The following METTL15 variants were observed in gnomAD, a reference collection of about 807,000 sequenced individuals.
METTL15 encodes the protein 12S rRNA N(4)-cytidine methyltransferase METTL15.
Under a neutral mutation model 38.3 loss-of-function variants are expected in METTL15, and 34 were observed. The ratio of observed to expected loss-of-function variants is 0.89; its 90% CI spans 0.68 to 1.18. METTL15 has a LOEUF of 1.18. Among genes scored for constraint, METTL15 ranks in the 50% most tolerant of loss-of-function variants. METTL15 has a pLI of 0.00. For missense variants in METTL15, 438 were observed against 498.4 expected (o/e 0.88, Z 1.15); for synonymous variants, 162 against 170.9 (o/e 0.95, Z 0.41).
chr11:28,502,805 G>C (rs551297249), intron 6 of METTL15, among the ~76,000 whole-genome samples: 18 of 152,292 alleles, frequency 1.2e-4, no homozygotes, highest in African/African-American at 4.1e-4. Flanking sequence ...ACGTGAAAAA[G>C]AGCAGAACTT....
chr11:28,482,436 T>C (rs568454905), intron 6 of METTL15, among the ~76,000 whole-genome samples: 1 of 152,344 alleles, frequency 6.6e-6, no homozygotes, highest in East Asian at 1.9e-4. Context: ...TGTAGGGTTC[T>C]TCTGAAAATC....
chr11:28,431,789 T>TAAA (rs1564929855), intron 6 of METTL15, among the ~76,000 whole-genome samples: 9 of 9,948 alleles, frequency 9.0e-4, no homozygotes, highest in Non-Finnish European at 9.2e-4. Flanking sequence ...AAAAATAAAT[T>TAAA]TAAAAAAAAA....
intron 3 of METTL15, among the ~76,000 whole-genome samples, chr11:28,159,334 A>G (rs1850371584): frequency 6.6e-6 from 1 of 152,078 alleles, no homozygotes; most frequent in African/African-American, 2.4e-5. Context: ...GGCATCTCTT[A>G]GTATTACCAT....
chr11:28,208,584 C>T (rs572864373), intron 3 of METTL15, among the ~76,000 whole-genome samples: 2 of 152,042 alleles, frequency 1.3e-5, no homozygotes, highest in African/African-American at 4.8e-5. Flanking sequence ...AATGTATATT[C>T]TATTGATTTG....
At chr11:28,353,682 T>C (rs1031395946) in intron 4 of METTL15, among the ~76,000 whole-genome samples, 1 of 151,932 alleles carries the variant, frequency 6.6e-6, no homozygotes, top group African/African-American at 2.4e-5. Flanking sequence ...TCCCAGCACT[T>C]TGGGAGGCCG....
chr11:28,276,935 C>T (rs945902039), intron 4 of METTL15, among the ~76,000 whole-genome samples: 7 of 152,070 alleles, frequency 4.6e-5, no homozygotes, highest in Admixed American at 6.6e-5. Context: ...TTAAGTTAAA[C>T]GTGAGAGCGG....
intron 3 of METTL15, among the ~76,000 whole-genome samples, chr11:28,346,355 T>G (rs1386822005): frequency 6.6e-6 from 1 of 152,208 alleles, no homozygotes; most frequent in Non-Finnish European, 1.5e-5. Flanking sequence ...AATAAGATTT[T>G]TTTAAAATGT....
intron 5 of METTL15, chr11:28,398,928 C>G (rs939490868): frequency 9.9e-5 from 15 of 151,942 alleles, no homozygotes; most frequent in African/African-American, 3.6e-4. Flanking sequence ...TGACTTTCTT[C>G]ACAGAATTAG....
chr11:28,161,906 C>T (rs987881151), intron 3 of METTL15, among the ~76,000 whole-genome samples: 4 of 151,996 alleles, frequency 2.6e-5, no homozygotes, highest in Non-Finnish European at 2.9e-5. Context: ...TTGAGGGTCA[C>T]TTACAGAGCA....
At chr11:28,501,990 A>G (rs948128031) in intron 6 of METTL15, among the ~76,000 whole-genome samples, 6 of 151,518 alleles carry the variant, frequency 4.0e-5, no homozygotes, top group African/African-American at 1.5e-4. Flanking sequence ...AGTCCCAGCT[A>G]CTCGGGAGGC....
chr11:28,469,168 T>C (rs1851282681), intron 6 of METTL15, among the ~76,000 whole-genome samples: 1 of 152,162 alleles, frequency 6.6e-6, no homozygotes, highest in African/African-American at 2.4e-5. Flanking sequence ...TGTTATTTGG[T>C]TGGGTCAGTT....
At chr11:28,446,433 C>A (rs1851075849) in intron 6 of METTL15, among the ~76,000 whole-genome samples, 1 of 152,094 alleles carries the variant, frequency 6.6e-6, no homozygotes, top group African/African-American at 2.4e-5. Context: ...ACAAGTTTTT[C>A]TCATCCTGGT....
chr11:28,518,333 C>T (rs1304137190), intron 6 of METTL15, among the ~76,000 whole-genome samples: 1 of 152,114 alleles, frequency 6.6e-6, no homozygotes, highest in Non-Finnish European at 1.5e-5. Context: ...ATTTATGGAG[C>T]AGCCCTTAAT....
At chr11:28,229,429 T>C (rs143774373) in intron 4 of METTL15, among the ~76,000 whole-genome samples, 5 of 152,130 alleles carry the variant, frequency 3.3e-5, no homozygotes, top group East Asian at 1.9e-4. Flanking sequence ...GTGTAAATAC[T>C]GAAGGCTATA....
At chr11:28,285,547 A>G (rs1856224506) in intron 4 of METTL15, among the ~76,000 whole-genome samples, 1 of 152,158 alleles carries the variant, frequency 6.6e-6, no homozygotes, top group South Asian at 2.1e-4. Flanking sequence ...TTACAAGTAA[A>G]ATCATAACCC....
At chr11:28,324,397 C>G (rs916708663) in intron 6 of METTL15, among the ~76,000 whole-genome samples, 2 of 152,072 alleles carry the variant, frequency 1.3e-5, no homozygotes, top group African/African-American at 4.8e-5. Context: ...GCACATTTCC[C>G]CTATGTCAGG....
intron 6 of METTL15, among the ~76,000 whole-genome samples, chr11:28,525,520 A>G (rs1224897521): frequency 6.6e-6 from 1 of 152,122 alleles, no homozygotes; most frequent in Non-Finnish European, 1.5e-5. Context: ...TTAGCTAGAC[A>G]TAAAGGTTCT....
chr11:28,468,278 G>A (rs2585827), intron 6 of METTL15, among the ~76,000 whole-genome samples: 151,004 of 152,254 alleles, frequency 0.99, 74,899 homozygotes, highest in Middle Eastern at 1. Flanking sequence ...CACAAATTCT[G>A]TAATTGAGAT....
chr11:28,506,682 A>C (rs574491685), intron 6 of METTL15, among the ~76,000 whole-genome samples: 2 of 151,080 alleles, frequency 1.3e-5, no homozygotes, highest in East Asian at 3.9e-4. Context: ...CTGTGTTCAA[A>C]GTGTCAAAAT....
Sources: allele counts gnomAD v4.1 joint callset (sites outside exome capture counted in the v4.1 genomes callset), GRCh38; gene constraint gnomAD v4.1.1; transcripts MANE v1.5; gene names NCBI Gene and HGNC (gene_info 2026-07-23, HGNC 2026-07-21).